The following TRIO variants were observed in gnomAD, a reference collection of about 807,000 sequenced individuals.
The protein encoded by TRIO is triple functional domain protein.
In TRIO, 58 loss-of-function variants were observed where a neutral mutation model predicts 351.9. The ratio of observed to expected loss-of-function variants is 0.16; its 90% confidence interval spans 0.13 to 0.21. TRIO has a LOEUF of 0.21. TRIO is among the 10% of genes least tolerant of loss of function. The pLI, the probability that TRIO is intolerant of heterozygous loss-of-function variation, is 1.00. For missense variants in TRIO, 3,201 were observed against 4,027.8 expected, an observed-to-expected ratio of 0.79 and a Z score of 5.56; for synonymous variants, 1,758 against 1,595.7, an observed-to-expected ratio of 1.10 and a Z score of -2.42.
chr5:14,340,174 C>T (rs188748633), intron 11 of TRIO, among the ~76,000 whole-genome samples: 30 of 152,062 alleles, frequency 2.0e-4, no homozygotes, highest in Admixed American at 2.0e-3. Context: ...GCAGTTGGAT[C>T]ACGAGGTCAG....
At chr5:14,148,560 C>T (rs1787650220) in intron 1 of TRIO, among the ~76,000 whole-genome samples, 1 of 152,162 alleles carries the variant, frequency 6.6e-6, no homozygotes, top group Admixed American at 6.5e-5. Context: ...ACACCCTGCC[C>T]CCATTCCTCC....
At chr5:14,320,828 G>C (rs1272156488) in intron 9 of TRIO, among the ~76,000 whole-genome samples, 1 of 152,132 alleles carries the variant, frequency 6.6e-6, no homozygotes, top group Non-Finnish European at 1.5e-5. Context: ...ACTGTGCCAG[G>C]CTCATCTGCA....
chr5:14,355,994 A>G (rs1743580532), intron 11 of TRIO, among the ~76,000 whole-genome samples: 1 of 152,240 alleles, frequency 6.6e-6, no homozygotes, highest in Non-Finnish European at 1.5e-5. Flanking sequence ...ATGAAATTTG[A>G]TAACTTAGAC....
Position 14,386,506 on chromosome 5 carries a change from C to G in TRIO, c.3571-932C>G, listed in dbSNP as rs139032431. Reference sequence around the variant, plus strand: ...TTTTGGGGATTTTTAAAGTCAGTTTCCTGAATATGTGTTAAAAAGATTTTC... The same window carrying G: ...TTTTGGGGATTTTTAAAGTCAGTTTGCTGAATATGTGTTAAAAAGATTTTC... On this transcript the variant is annotated intron_variant, in intron 21 of 56. Transcript: ENST00000344204. Among the ~76,000 whole-genome samples the G allele has an allele frequency of 2.8e-4, 42 of 152,258 alleles. 3 individuals carry two copies. The East Asian group carries it at 8.1e-3, about 29-fold the overall frequency.
chr5:14,415,676 A>C (rs1357584617), intron 33 of TRIO, among the ~76,000 whole-genome samples: 2 of 152,220 alleles, frequency 1.3e-5, no homozygotes, highest in Non-Finnish European at 2.9e-5. Context: ...CTCTCGGGTG[A>C]AACACAGTAA....
Position 14,336,696 on chromosome 5 carries a change from T to C in TRIO, c.2015T>C (p.Met672Thr), listed in dbSNP as rs1480780205. ...RVEQRKILLD[M>T]SVSFHTHVKE... ...GAGCAGCGAAAGATCCTACTGGACA[T>C]GTCAGTGTCCTTTCACACCCATGTG... The change falls in exon 11 of 57, where the codon ATG becomes ACG. Residue 672 changes from methionine (M) to threonine (T), a missense_variant. This residue lies in a region of TRIO where 363 missense variants were observed against 553.5 expected (regional missense o/e 0.66). Transcript: ENST00000344204. The C allele has an allele frequency of 6.2e-7, 1 of 1,614,082 alleles. No homozygotes were observed. Among genetic ancestry groups the C allele is most frequent in the African/African-American group, 1.3e-5 (1 of 74,942 alleles).
chr5:14,199,264 A>G (rs1269813935), intron 1 of TRIO, among the ~76,000 whole-genome samples: 3 of 147,792 alleles, frequency 2.0e-5, no homozygotes, highest in Non-Finnish European at 4.5e-5. Flanking sequence ...TCATATTTCT[A>G]GATTCCATTA....
At chr5:14,408,173 C>T (rs199958145) in intron 33 of TRIO, among the ~76,000 whole-genome samples, 1 of 152,204 alleles carries the variant, frequency 6.6e-6, no homozygotes, top group East Asian at 1.9e-4. Flanking sequence ...ATTTCCGTGG[C>T]ACATCTTTTA....
At chr5:14,289,978 A>G (rs1038967393) in intron 4 of TRIO, among the ~76,000 whole-genome samples, 2 of 152,234 alleles carry the variant, frequency 1.3e-5, no homozygotes, top group African/African-American at 4.8e-5. Flanking sequence ...ATCACAGCAG[A>G]TTATTGCAAT....
At chr5:14,201,277 A>G (rs567152124) in intron 1 of TRIO, among the ~76,000 whole-genome samples, 295 of 152,312 alleles carry the variant, frequency 1.9e-3, no homozygotes, top group African/African-American at 6.9e-3. Context: ...TAAAAAATAA[A>G]TAAAAAATAA....
At chr5:14,507,820 C>T (rs1757815500) in intron 56 of TRIO, 60 bp from the exon 57 acceptor site, 22 of 1,557,960 alleles carry the variant, frequency 1.4e-5, no homozygotes, top group Non-Finnish European at 1.7e-5. Flanking sequence ...TCCCGCCCAT[C>T]ATCACGAGTA....
chr5:14,156,920 G>A (rs1245684037), intron 1 of TRIO, among the ~76,000 whole-genome samples: 1 of 152,148 alleles, frequency 6.6e-6, no homozygotes, highest in Non-Finnish European at 1.5e-5. Flanking sequence ...GAAAAATCAG[G>A]AGTCGCCAGA....
chr5:14,254,188 C>T (rs924411113), intron 1 of TRIO, among the ~76,000 whole-genome samples: 1 of 151,748 alleles, frequency 6.6e-6, no homozygotes, highest in Non-Finnish European at 1.5e-5. Flanking sequence ...AGTTCTCCCC[C>T]CCTCCCCCCG....
intron 1 of TRIO, among the ~76,000 whole-genome samples, chr5:14,227,295 T>C (rs1793107168): frequency 6.6e-6 from 1 of 152,176 alleles, no homozygotes; most frequent in African/African-American, 2.4e-5. Flanking sequence ...AATGAGGATA[T>C]TTTCTATCAG....
At chr5:14,432,956 A>G (rs945537527) in intron 34 of TRIO, among the ~76,000 whole-genome samples, 6 of 152,196 alleles carry the variant, frequency 3.9e-5, no homozygotes, top group Admixed American at 3.3e-4. Flanking sequence ...TGGGACATCA[A>G]AAGCACATGT....
intron 1 of TRIO, among the ~76,000 whole-genome samples, chr5:14,170,178 CT>C (rs1447091716): frequency 2.0e-5 from 3 of 151,970 alleles, no homozygotes; most frequent in Admixed American, 2.0e-4. Flanking sequence ...GCCTTTTTTT[CT>C]TTTTTGGTAA....
At chr5:14,393,287 A>G (rs1747270027) in intron 27 of TRIO, among the ~76,000 whole-genome samples, 1 of 152,074 alleles carries the variant, frequency 6.6e-6, no homozygotes, top group Non-Finnish European at 1.5e-5. Context: ...AGAAATACCT[A>G]ATGTACACAA....
At chr5:14,328,840 A>G (rs1740645525) in intron 9 of TRIO, among the ~76,000 whole-genome samples, 2 of 152,336 alleles carry the variant, frequency 1.3e-5, no homozygotes, top group African/African-American at 4.8e-5. Flanking sequence ...GGAGGGGTGG[A>G]AATGAGACCA....
At chr5:14,485,845 G>A (rs916298285) in intron 47 of TRIO, among the ~76,000 whole-genome samples, 12 of 152,248 alleles carry the variant, frequency 7.9e-5, no homozygotes, top group South Asian at 4.1e-4. Context: ...AAAATTAGCC[G>A]GGCGTGGTGG....
Sources: gnomAD v4.1 joint callset for allele counts (sites outside exome capture counted in the v4.1 genomes callset) on GRCh38, gnomAD v4.1.1 for gene constraint, gnomAD v4.1.1 regional missense constraint, MANE v1.5 for transcripts, NCBI Gene and HGNC (gene_info 2026-07-23, HGNC 2026-07-21) for gene names.